Variants in SLIT3 observed in about 807,000 individuals in gnomAD.
SLIT3 encodes slit homolog 3 protein.
Under a neutral mutation model 184.0 loss-of-function variants are expected in SLIT3, and 68 were observed. That is an observed-to-expected ratio of 0.37 (90% CI 0.30 to 0.45). The LOEUF is 0.45. SLIT3 is among the 20% of genes least tolerant of loss of function. The pLI is 1.00. For synonymous variants in SLIT3, 831 were observed against 828.6 expected, an observed-to-expected ratio of 1.00 and a Z score of -0.05; for missense variants, 1,707 against 2,026.0, an observed-to-expected ratio of 0.84 and a Z score of 3.02.
intron 4 of SLIT3, among the ~76,000 whole-genome samples, chr5:169,134,572 A>G (rs1421768): frequency 0.61 from 93,193 of 152,010 alleles, 30,098 homozygotes; most frequent in African/African-American, 0.82. Flanking sequence ...CCCTGATGGC[A>G]GGGAACATCA....
chr5:168,825,620 G>A (rs1757673658), intron 6 of SLIT3, among the ~76,000 whole-genome samples: 1 of 152,168 alleles, frequency 6.6e-6, no homozygotes, highest in Non-Finnish European at 1.5e-5. Flanking sequence ...ATGAAGTTGA[G>A]CCCACTTAGC....
chr5:168,974,820 G>C (rs1361217453), intron 4 of SLIT3, among the ~76,000 whole-genome samples: 1 of 152,220 alleles, frequency 6.6e-6, no homozygotes, highest in Non-Finnish European at 1.5e-5. Context: ...CCATGCATCT[G>C]ATCCCAACTG....
At chr5:169,033,637 G>A (rs957790338) in intron 4 of SLIT3, among the ~76,000 whole-genome samples, 1 of 152,072 alleles carries the variant, frequency 6.6e-6, no homozygotes, top group Non-Finnish European at 1.5e-5. Flanking sequence ...CCATCCAAAT[G>A]GGTGTAAGGT....
intron 32 of SLIT3, among the ~76,000 whole-genome samples, chr5:168,683,565 G>A (rs1761655842): frequency 6.6e-6 from 1 of 152,056 alleles, no homozygotes; most frequent in African/African-American, 2.4e-5. Context: ...CCGTGCCCTT[G>A]AGTTTCTTCC....
chr5:168,886,739 T>G (rs1399074769), intron 4 of SLIT3, among the ~76,000 whole-genome samples: 3 of 152,074 alleles, frequency 2.0e-5, no homozygotes, highest in Admixed American at 2.0e-4. Context: ...GGGAAAGGCT[T>G]TCTTGGTTGG....
At chr5:168,851,750 T>C (rs1489898481) in intron 5 of SLIT3, among the ~76,000 whole-genome samples, 2 of 152,340 alleles carry the variant, frequency 1.3e-5, no homozygotes, top group East Asian at 3.9e-4. Flanking sequence ...CCAACTGCGA[T>C]GGCTGCTTAC....
chr5:168,835,180 A>G (rs1186080003), intron 6 of SLIT3, among the ~76,000 whole-genome samples: 2 of 152,216 alleles, frequency 1.3e-5, no homozygotes, highest in Non-Finnish European at 2.9e-5. Context: ...CAAACCTTCT[A>G]GATATTCATT....
chr5:168,677,704 C>A (rs1056363588), intron 32 of SLIT3, among the ~76,000 whole-genome samples: 1 of 152,236 alleles, frequency 6.6e-6, no homozygotes, highest in African/African-American at 2.4e-5. Context: ...CTCCCTTGAC[C>A]TCCCAAAGTG....
At chr5:169,273,871 GA>G (rs1316749390) in intron 1 of SLIT3, among the ~76,000 whole-genome samples, 1 of 152,112 alleles carries the variant, frequency 6.6e-6, no homozygotes, top group Non-Finnish European at 1.5e-5. Flanking sequence ...TAAAGCCTAA[GA>G]ATCTTCACAT....
At chr5:168,817,279 G>C in intron 8 of SLIT3, 21 bp downstream of exon 8, 2 of 1,612,716 alleles carry the variant, frequency 1.2e-6, no homozygotes, top group Non-Finnish European at 8.5e-7. Flanking sequence ...CAGGAGGGGA[G>C]AGCAGGTAAA....
At chr5:168,885,389 C>T (rs767528504) in intron 4 of SLIT3, among the ~76,000 whole-genome samples, 8 of 152,208 alleles carry the variant, frequency 5.3e-5, no homozygotes, top group East Asian at 3.9e-4. Context: ...AGCCTGGAGT[C>T]GGGGCGCTGA....
chr5:168,941,565 CT>C (rs754028978), intron 4 of SLIT3, among the ~76,000 whole-genome samples: 14 of 152,164 alleles, frequency 9.2e-5, no homozygotes, highest in Admixed American at 5.9e-4. Context: ...TACAATTCTC[CT>C]TATCATACAT....
intron 4 of SLIT3, among the ~76,000 whole-genome samples, chr5:169,141,904 G>T (rs1761755713): frequency 6.6e-6 from 1 of 151,126 alleles, no homozygotes; most frequent in Non-Finnish European, 1.5e-5. Flanking sequence ...ACAAAAATTA[G>T]CTGGGCGTGG....
intron 11 of SLIT3, among the ~76,000 whole-genome samples, chr5:168,787,467 G>A (rs954639489): frequency 2.6e-5 from 4 of 152,174 alleles, no homozygotes; most frequent in African/African-American, 9.7e-5. Flanking sequence ...GTCTTGGCTT[G>A]ACTACCTTCT....
chr5:168,957,359 C>T (rs1392207730), intron 4 of SLIT3, among the ~76,000 whole-genome samples: 1 of 152,148 alleles, frequency 6.6e-6, no homozygotes, highest in Non-Finnish European at 1.5e-5. Context: ...GCCACTGTGC[C>T]CAGCCCCTTC....
intron 4 of SLIT3, among the ~76,000 whole-genome samples, chr5:169,079,256 T>C (rs1758868189): frequency 6.6e-6 from 1 of 152,154 alleles, no homozygotes. Context: ...ACCCACAGAA[T>C]CAAAGGGATG....
chr5:168,876,477 T>C (rs983618671), intron 5 of SLIT3, among the ~76,000 whole-genome samples: 1 of 152,170 alleles, frequency 6.6e-6, no homozygotes, highest in Non-Finnish European at 1.5e-5. Context: ...TTGCCTCTCT[T>C]GCTAGCTATA....
intron 4 of SLIT3, among the ~76,000 whole-genome samples, chr5:169,016,639 T>G (rs927786588): frequency 6.6e-6 from 1 of 152,218 alleles, no homozygotes; most frequent in Non-Finnish European, 1.5e-5. Flanking sequence ...TATATGTATC[T>G]CATTTAATCC....
At chr5:168,720,997 C>T (rs948586721) in intron 23 of SLIT3, 4 of 152,190 alleles carry the variant, frequency 2.6e-5, no homozygotes, top group Non-Finnish European at 5.9e-5. Context: ...CCAGTTACTT[C>T]ACCAGTCTGG....
Sources: gnomAD v4.1 joint callset for allele counts (sites outside exome capture counted in the v4.1 genomes callset) on GRCh38, gnomAD v4.1.1 for gene constraint, MANE v1.5 for transcripts, NCBI Gene and HGNC (gene_info 2026-07-23, HGNC 2026-07-21) for gene names.